The following NKIRAS1 variants were observed in gnomAD, a reference collection of about 807,000 sequenced individuals.
NKIRAS1 encodes the protein NFKB inhibitor interacting Ras like 1, also known as NF-kappa-B inhibitor-interacting Ras-like protein 1.
NKIRAS1 carries 16 observed loss-of-function variants against 19.8 expected under a neutral mutation model. The ratio of observed to expected loss-of-function variants is 0.81; its 90% CI spans 0.55 to 1.23. The LOEUF (loss-of-function observed/expected upper bound fraction) is 1.23. Among genes scored for constraint, NKIRAS1 ranks in the 50% most tolerant of loss-of-function variants. The probability of loss-of-function intolerance (pLI) is 0.00; values close to 1 mark genes in which losing one functional copy is unlikely to be tolerated. For missense variants in NKIRAS1, 184 were observed against 220.0 expected (o/e 0.84, Z 1.04); for synonymous variants, 88 against 79.0 (o/e 1.11, Z -0.61).
chr3:23,918,321 A>G (rs1559511373), upstream of NKIRAS1: 6 of 1,194,306 alleles, frequency 5.0e-6, no homozygotes, highest in South Asian at 1.6e-5. Context: ...ATTTTTTTCT[A>G]TTAGATAGCA....
chr3:23,893,455 C>T, intron 4 of NKIRAS1, 118 bp from the exon 5 acceptor site: 2 of 831,990 alleles, frequency 2.4e-6, no homozygotes, highest in Non-Finnish European at 3.8e-6. Flanking sequence ...TAAACTGATT[C>T]TCAAGTGTGA....
chr3:23,946,004 G>T, intron 1 of NKIRAS1: 2 of 676,732 alleles, frequency 3.0e-6, no homozygotes, highest in Non-Finnish European at 3.7e-6. Context: ...ACATTCCCCG[G>T]GGCCGCAGGG....
chr3:23,898,232 T>G (rs186699172), intron 4 of NKIRAS1, among the ~76,000 whole-genome samples: 10 of 152,280 alleles, frequency 6.6e-5, no homozygotes, highest in Admixed American at 6.5e-4. Flanking sequence ...ATATGTTATC[T>G]ATTCATAAAG....
intron 1 of NKIRAS1, among the ~76,000 whole-genome samples, chr3:23,943,794 G>A (rs1705557247): frequency 6.6e-6 from 1 of 152,216 alleles, no homozygotes; most frequent in African/African-American, 2.4e-5. Context: ...CGTGATTAGG[G>A]AACTGTGTTT....
At chr3:23,895,093 G>A (rs1160409316) in intron 4 of NKIRAS1, among the ~76,000 whole-genome samples, 1 of 152,110 alleles carries the variant, frequency 6.6e-6, no homozygotes, top group Non-Finnish European at 1.5e-5. Flanking sequence ...CACCCAGGAT[G>A]GAGTGCAATG....
chr3:23,911,162 T>C (rs151145774), intron 2 of NKIRAS1, among the ~76,000 whole-genome samples, 167 bp downstream of exon 2: 57 of 152,134 alleles, frequency 3.7e-4, no homozygotes, highest in African/African-American at 1.2e-3. Context: ...TAGATAAATA[T>C]AAGAATACAG....
At chr3:23,912,550 G>C (rs1002006274) in intron 1 of NKIRAS1, among the ~76,000 whole-genome samples, 2 of 152,192 alleles carry the variant, frequency 1.3e-5, no homozygotes, top group Non-Finnish European at 2.9e-5. Flanking sequence ...AACAGGTGCT[G>C]GAGAGGATGT....
At chr3:23,923,583 G>T (rs1705153934) in intron 1 of NKIRAS1, 1 of 152,260 alleles carries the variant, frequency 6.6e-6, no homozygotes, top group African/African-American at 2.4e-5. Flanking sequence ...TGATTCATTG[G>T]ATGTGGACCC....
chr3:23,910,038 T>C (rs1407734704), intron 3 of NKIRAS1, among the ~76,000 whole-genome samples: 1 of 152,110 alleles, frequency 6.6e-6, no homozygotes, highest in Non-Finnish European at 1.5e-5. Flanking sequence ...TTTGTATTTT[T>C]AGTAGAGACG....
rs765065443 is a variant in NKIRAS1, at chr3:23,916,957, G to C, written c.-313C>G. On this transcript the variant is annotated 5_prime_UTR_variant, in exon 1 of 5. Coordinates refer to ENST00000425478, the MANE Select transcript of NKIRAS1 (RefSeq NM_020345.4). ...CCTCTCGAGACGCCCAGGCCGCTCA[G>C]GCTCGAATCTTGCGGAGCAGGGGGC... 1 of 152,672 alleles carries C rather than the reference G, an allele frequency of 6.5e-6. No individual in the cohort carries two copies. The highest frequency in any genetic ancestry group is 1.5e-5 in the Non-Finnish European group (1 of 68,086). The allele number at this position is 152,672 out of a possible 1,614,324, so 9.5% of individuals were successfully genotyped here.
chr3:23,919,029 T>C (rs1227313627), upstream of NKIRAS1: 11 of 615,114 alleles, frequency 1.8e-5, 1 homozygote, highest in South Asian at 1.0e-4. Context: ...CAAGTCTACA[T>C]TATCTCATTA....
rs540691074 is a variant in NKIRAS1, at chr3:23,937,364, G to GA, written c.-140+8958dup. 1.6e-4 allele frequency among the ~76,000 whole-genome samples: 24 copies of GA among 152,150 alleles called. No individual in the cohort carries two copies. The East Asian group carries it at 4.6e-3, about 29-fold the overall frequency. ...GAAAAAGAAAAAAAGAAAAGAAAAA[G>GA]AAAAGAAAACTTAAGAGAATGGTCA... On this transcript the variant is annotated intron_variant, in intron 1 of 4. Transcript: ENST00000421515.
At chr3:23,945,828 C>A (rs1344888957) in intron 1 of NKIRAS1, among the ~76,000 whole-genome samples, 2 of 150,826 alleles carry the variant, frequency 1.3e-5, no homozygotes, top group South Asian at 4.1e-4. Flanking sequence ...CGGCCCGGCC[C>A]CCCCCTCACA....
intron 1 of NKIRAS1, chr3:23,945,999 C>T: frequency 3.1e-6 from 2 of 639,304 alleles, no homozygotes; most frequent in Non-Finnish European, 3.9e-6. Context: ...GACCCACATT[C>T]CCCGGGGCCG....
chr3:23,940,053 G>A lies in NKIRAS1; in HGVS notation c.-140+6270C>T, dbSNP rs139390411. ...TTAAATTTAAATTTAAAAACTGACC[G>A]GGTGCGTAGGCTCACACCTGTAATC... On this transcript the variant is annotated intron_variant, in intron 1 of 4. Transcript: ENST00000421515. 4.7e-3 allele frequency among the ~76,000 whole-genome samples: 711 copies of A among 151,446 alleles called. 9 individuals carry two copies. The highest frequency in any genetic ancestry group is 0.016 in the African/African-American group (675 of 41,314).
intron 1 of NKIRAS1, among the ~76,000 whole-genome samples, chr3:23,912,020 T>A (rs1019615434): frequency 3.9e-5 from 6 of 152,172 alleles, no homozygotes; most frequent in African/African-American, 1.4e-4. Flanking sequence ...TGCCTTGGCC[T>A]CCCAAAGTGC....
chr3:23,914,236 C>A (rs1704067536), intron 1 of NKIRAS1, among the ~76,000 whole-genome samples: 1 of 150,468 alleles, frequency 6.6e-6, no homozygotes, highest in Admixed American at 6.6e-5. Flanking sequence ...GCTTTGTCAA[C>A]ATTTTCTTTG....
At chr3:23,942,699 G>C (rs1705527326) in intron 1 of NKIRAS1, among the ~76,000 whole-genome samples, 1 of 152,164 alleles carries the variant, frequency 6.6e-6, no homozygotes, top group Non-Finnish European at 1.5e-5. Context: ...CCAAAGTGCT[G>C]GGTGAGCCAC....
intron 1 of NKIRAS1, among the ~76,000 whole-genome samples, chr3:23,913,040 CAAAA>C (rs1169515621): frequency 3.1e-4 from 15 of 47,698 alleles, no homozygotes; most frequent in African/African-American, 7.9e-4. Context: ...GACTCCGTCT[CAAAA>C]AAAAAAAAAA....
Sources: gnomAD v4.1 joint callset for allele counts (sites outside exome capture counted in the v4.1 genomes callset) on GRCh38, gnomAD v4.1.1 for gene constraint, MANE v1.5 for transcripts, NCBI Gene and HGNC (gene_info 2026-07-23, HGNC 2026-07-21) for gene names.